The following GTPBP10 variants were observed in gnomAD, a reference collection of about 807,000 sequenced individuals.
GTPBP10 encodes GTP-binding protein 10.
In GTPBP10, 38 loss-of-function variants were observed where a neutral mutation model predicts 44.8. That is an observed-to-expected ratio of 0.85 (90% CI 0.65 to 1.11). GTPBP10 has a LOEUF of 1.11. Among genes scored for constraint, GTPBP10 ranks in the 50% most tolerant of loss-of-function variants. The pLI, the probability that GTPBP10 is intolerant of heterozygous loss-of-function variation, is 0.00. For synonymous variants in GTPBP10, 152 were observed against 150.6 expected (o/e 1.01, Z -0.07); for missense variants, 462 against 453.7 (o/e 1.02, Z -0.17).
chr7:90,372,954 A>G (rs1796286305), intron 5 of GTPBP10, among the ~76,000 whole-genome samples: 1 of 152,214 alleles, frequency 6.6e-6, no homozygotes, highest in Non-Finnish European at 1.5e-5. Flanking sequence ...ATGAAAGGGT[A>G]CTATGAAAGA....
intron 1 of GTPBP10, among the ~76,000 whole-genome samples, chr7:90,349,751 C>T (rs1401772582): frequency 6.6e-6 from 1 of 152,104 alleles, no homozygotes; most frequent in Admixed American, 6.6e-5. Flanking sequence ...AGCATGTTTT[C>T]CAGAATAGGG....
intron 8 of GTPBP10, among the ~76,000 whole-genome samples, chr7:90,382,113 G>A (rs12538614): frequency 0.11 from 16,120 of 152,052 alleles, 1,062 homozygotes; most frequent in Non-Finnish European, 0.15. Context: ...GCAGAGTGAA[G>A]AGGCAACCAA....
rs962646245 is a variant in GTPBP10, at chr7:90,382,906, T to C, written c.778-50T>C. The C allele has an allele frequency of 2.3e-6, 3 of 1,332,038 alleles. No individual in the cohort carries two copies. The Admixed American group carries it at 7.1e-5, about 32-fold the overall frequency. 82.5% of individuals were successfully genotyped at this position (1,332,038 alleles called of 1,614,324 possible). A position where few individuals can be genotyped will look rare whatever the true frequency, so the allele number is the denominator to read the frequency against. ...GTCATTAATTACCAAATAAGTAGTTTATACAGAAACCAGTACTAAAATTAT... is the reference window on the plus strand; with the variant it reads ...GTCATTAATTACCAAATAAGTAGTTCATACAGAAACCAGTACTAAAATTAT... On this transcript the variant is annotated intron_variant, in intron 8 of 9. Coordinates refer to ENST00000222511, the MANE Select transcript of GTPBP10 (RefSeq NM_033107.4).
intron 4 of GTPBP10, among the ~76,000 whole-genome samples, chr7:90,364,678 A>C (rs1339568491): frequency 1.3e-5 from 2 of 152,212 alleles, no homozygotes; most frequent in Non-Finnish European, 2.9e-5. Context: ...GGGACATTTA[A>C]GTCTGCAGAG....
intron 4 of GTPBP10, among the ~76,000 whole-genome samples, chr7:90,365,536 C>A (rs867606467): frequency 2.0e-5 from 3 of 151,144 alleles, no homozygotes; most frequent in Non-Finnish European, 3.0e-5. Context: ...CCACTACGCC[C>A]GGCTAATTTT....
Position 90,363,469 on chromosome 7 carries a change from C to G in GTPBP10, c.464+8239C>G, listed in dbSNP as rs920389127. Among the ~76,000 whole-genome samples, 14 of 152,328 alleles carry G rather than the reference C, an allele frequency of 9.2e-5. No individual in the cohort carries two copies. The East Asian group carries it at 2.3e-3, about 25-fold the overall frequency. ...AGAATGTTGAATATTGGCCCCCACT[C>G]TCTTCTGGCTTTTAGAGTTTCTGCC... On this transcript the variant is annotated intron_variant, in intron 4 of 9. Coordinates refer to ENST00000222511, the MANE Select transcript of GTPBP10 (RefSeq NM_033107.4).
chr7:90,351,492 T>C (rs950573905), intron 1 of GTPBP10, among the ~76,000 whole-genome samples: 1 of 152,216 alleles, frequency 6.6e-6, no homozygotes, highest in Non-Finnish European at 1.5e-5. Flanking sequence ...TATATATTTT[T>C]TGCACTCATA....
chr7:90,364,120 C>A (rs1488500814), intron 4 of GTPBP10, among the ~76,000 whole-genome samples: 2 of 152,192 alleles, frequency 1.3e-5, no homozygotes, highest in Non-Finnish European at 2.9e-5. Flanking sequence ...CATCTGAAGC[C>A]TTCTTCTCTC....
chr7:90,371,596 G>A (rs1214240784), intron 4 of GTPBP10, among the ~76,000 whole-genome samples: 5 of 152,116 alleles, frequency 3.3e-5, no homozygotes, highest in Non-Finnish European at 7.4e-5. Context: ...AAGATGGTAG[G>A]GGGAGCTTGA....
intron 4 of GTPBP10, among the ~76,000 whole-genome samples, chr7:90,355,554 CCAAA>C (rs1266793201): frequency 6.6e-6 from 1 of 151,990 alleles, no homozygotes; most frequent in Non-Finnish European, 1.5e-5. Context: ...AATAATAAAT[CCAAA>C]CAAACCGTAT....
intron 1 of GTPBP10, among the ~76,000 whole-genome samples, chr7:90,348,472 A>G (rs1795724504): frequency 6.6e-6 from 1 of 152,204 alleles, no homozygotes; most frequent in Non-Finnish European, 1.5e-5. Context: ...AGAGAAAAGA[A>G]ACAGTTACTA....
chr7:90,375,821 A>G (rs1796336126), intron 6 of GTPBP10, among the ~76,000 whole-genome samples: 1 of 152,086 alleles, frequency 6.6e-6, no homozygotes, highest in Non-Finnish European at 1.5e-5. Context: ...AACAGCAATG[A>G]TGAGTGATGC....
chr7:90,382,297 G>C (rs559951873), intron 8 of GTPBP10, among the ~76,000 whole-genome samples: 1 of 151,940 alleles, frequency 6.6e-6, no homozygotes, highest in African/African-American at 2.4e-5. Context: ...CTAAAATTTT[G>C]TATAGAGATG....
intron 4 of GTPBP10, among the ~76,000 whole-genome samples, chr7:90,364,096 C>T (rs896203289): frequency 3.9e-5 from 6 of 152,160 alleles, no homozygotes; most frequent in Non-Finnish European, 8.8e-5. Context: ...TCCTTTAGCT[C>T]GGAGAATTCT....
At chr7:90,366,420 G>A (rs1796135403) in intron 4 of GTPBP10, among the ~76,000 whole-genome samples, 1 of 152,062 alleles carries the variant, frequency 6.6e-6, no homozygotes, top group African/African-American at 2.4e-5. Flanking sequence ...ACTTTTTTTG[G>A]TTGGTAAGCA....
chr7:90,357,883 T>A (rs1584630957), intron 4 of GTPBP10, among the ~76,000 whole-genome samples: 1 of 152,228 alleles, frequency 6.6e-6, no homozygotes, highest in South Asian at 2.1e-4. Flanking sequence ...TTTCTTCATG[T>A]AGACATTTAT....
At chr7:90,358,021 A>G (rs1281602361) in intron 4 of GTPBP10, among the ~76,000 whole-genome samples, 1 of 152,138 alleles carries the variant, frequency 6.6e-6, no homozygotes, top group African/African-American at 2.4e-5. Context: ...ATATGATCTT[A>G]TACCTTGAAA....
chr7:90,357,001 T>A (rs1258446237), intron 4 of GTPBP10, among the ~76,000 whole-genome samples: 2 of 152,224 alleles, frequency 1.3e-5, no homozygotes, highest in Non-Finnish European at 2.9e-5. Flanking sequence ...CTAGTGTTTT[T>A]AAATTAGGCA....
intron 9 of GTPBP10, 116 bp from the exon 10 acceptor site, chr7:90,384,776 A>C: frequency 1.1e-6 from 1 of 935,788 alleles, no homozygotes; most frequent in Non-Finnish European, 1.6e-6. Flanking sequence ...AAAGGTGAAA[A>C]AAGGCATGAA....
Sources: allele counts gnomAD v4.1 joint callset (sites outside exome capture counted in the v4.1 genomes callset), GRCh38; gene constraint gnomAD v4.1.1; transcripts MANE v1.5; gene names NCBI Gene and HGNC (gene_info 2026-07-23, HGNC 2026-07-21).